Variants in GFM2 observed in about 807,000 individuals in gnomAD.
GFM2 encodes the protein ribosome-releasing factor 2, mitochondrial.
GFM2 carries 72 observed loss-of-function variants against 95.4 expected under a neutral mutation model. That is an observed-to-expected ratio of 0.76 (90% CI 0.62 to 0.92). The LOEUF is 0.92. Ranked by LOEUF, GFM2 falls within the 40% of genes least tolerant of loss-of-function variation. The pLI, the probability that GFM2 is intolerant of heterozygous loss-of-function variation, is 0.00. For missense variants in GFM2, 825 were observed against 924.1 expected (o/e 0.89, Z 1.39); for synonymous variants, 276 against 317.5 (o/e 0.87, Z 1.39).
At chr5:74,746,954 TA>T (rs1251958266) in intron 8 of GFM2, among the ~76,000 whole-genome samples, 1 of 152,204 alleles carries the variant, frequency 6.6e-6, no homozygotes, top group African/African-American at 2.4e-5. Flanking sequence ...GCATATTAAT[TA>T]CTGTGTAGTT....
intron 17 of GFM2, 23 bp from the exon 18 acceptor site, chr5:74,726,149 A>G (rs376628780): frequency 3.2e-6 from 5 of 1,552,940 alleles, no homozygotes; most frequent in Non-Finnish European, 4.4e-6. Context: ...TGAATATGGC[A>G]CCTCAGAGAT....
In GFM2 at chr5:74,741,523, AT is replaced by A; in HGVS notation, c.930+5del. The A allele has an allele frequency of 7.1e-7, 1 of 1,416,622 alleles. No individual in the cohort carries two copies. Among genetic ancestry groups the A allele is most frequent in the Non-Finnish European group, 9.9e-7 (1 of 1,014,024 alleles). 87.8% of individuals were successfully genotyped at this position (1,416,622 alleles called of 1,614,324 possible). On this transcript the variant is annotated splice_donor_5th_base_variant and intron_variant, in intron 11 of 20. Transcript: ENST00000296805. The stretch of plus-strand genomic sequence containing the variant: ...TTTGTGAAAGCCATTGAATAATAAA[AT>A]TTACCTTTTCAGCTGGTAACAAATC...
At position 74,722,339 on chromosome 5, in the gene GFM2, A is replaced by G. The variant is rs1749937004; in HGVS notation, c.2211+40T>C. 3.3e-6 allele frequency: 5 copies of G among 1,509,576 alleles called. No homozygotes were observed. In the East Asian group the frequency reaches 1.1e-4, roughly 34 times the overall value. 93.5% of individuals were successfully genotyped at this position (1,509,576 alleles called of 1,614,324 possible). A position where few individuals can be genotyped will look rare whatever the true frequency, so the allele number is the denominator to read the frequency against. ...TTCATTGGCATATAATATCCCCTGAATTAAGAAGAATATGTACTTTTCAGT... is the reference window on the plus strand; with the variant it reads ...TTCATTGGCATATAATATCCCCTGAGTTAAGAAGAATATGTACTTTTCAGT... On this transcript the variant is annotated intron_variant, in intron 20 of 20. Transcript: ENST00000296805.
rs773484707 is a variant in GFM2, at chr5:74,734,635, C to T, written c.1511-1537G>A. 5.3e-5 allele frequency among the ~76,000 whole-genome samples: 8 copies of T among 152,150 alleles called. No individual in the cohort carries two copies. The South Asian group carries it at 1.0e-3, about 20-fold the overall frequency. ...TACAGATACTCAAACAGAGTACATG[C>T]GTATGACACTAAGTGACTTTTGGAA... On this transcript the variant is annotated intron_variant, in intron 15 of 20. Transcript: ENST00000296805.
chr5:74,734,758 T>C (rs539599502), intron 15 of GFM2, among the ~76,000 whole-genome samples: 145 of 152,246 alleles, frequency 9.5e-4, no homozygotes, highest in African/African-American at 3.3e-3. Context: ...ATGGGGTAAG[T>C]ACAATAAAAG....
At chr5:74,722,620 A>C (rs2112198386) in intron 19 of GFM2, 59 bp from the exon 20 acceptor site, 2 of 1,364,474 alleles carry the variant, frequency 1.5e-6, no homozygotes, top group East Asian at 4.8e-5. Flanking sequence ...AAATAAATAC[A>C]GCCTAGAGCT....
chr5:74,752,609 G>T (rs905372866), intron 5 of GFM2, among the ~76,000 whole-genome samples: 1 of 152,164 alleles, frequency 6.6e-6, no homozygotes, highest in Non-Finnish European at 1.5e-5. Context: ...AAATGAGACA[G>T]TAAGTTTTAA....
chr5:74,736,490 T>C (rs1478212052), intron 15 of GFM2: 1 of 985,306 alleles, frequency 1.0e-6, no homozygotes, highest in Non-Finnish European at 1.2e-6. Context: ...AATCAGTTAC[T>C]GTCTAATCTA....
chr5:74,733,184 A>C, intron 15 of GFM2, 86 bp from the exon 16 acceptor site: 1 of 1,007,414 alleles, frequency 9.9e-7, no homozygotes, highest in South Asian at 1.4e-5. Flanking sequence ...ATGGATAAGC[A>C]AACAAATTTT....
intron 19 of GFM2, among the ~76,000 whole-genome samples, chr5:74,722,835 T>G (rs1434898547): frequency 6.6e-6 from 1 of 152,164 alleles, no homozygotes; most frequent in Non-Finnish European, 1.5e-5. Context: ...TTTCAAAGAT[T>G]CATTTGTTCA....
intron 19 of GFM2, among the ~76,000 whole-genome samples, chr5:74,723,402 C>T (rs1750007523): frequency 6.6e-6 from 1 of 152,162 alleles, no homozygotes; most frequent in Non-Finnish European, 1.5e-5. Context: ...CACTTCTATG[C>T]ACATCCCTTT....
chr5:74,757,921 G>C (rs1268246791), intron 5 of GFM2, among the ~76,000 whole-genome samples: 1 of 152,004 alleles, frequency 6.6e-6, no homozygotes, highest in African/African-American at 2.4e-5. Flanking sequence ...TAGAAGGATG[G>C]TTGCAAGGGA....
intron 5 of GFM2, among the ~76,000 whole-genome samples, chr5:74,753,399 A>G (rs1445188584): frequency 6.6e-6 from 1 of 152,166 alleles, no homozygotes; most frequent in Non-Finnish European, 1.5e-5. Context: ...GGAGTTCAAG[A>G]CCAGCATGGC....
chr5:74,723,525 C>T (rs1350935591), intron 19 of GFM2, among the ~76,000 whole-genome samples: 1 of 152,130 alleles, frequency 6.6e-6, no homozygotes, highest in East Asian at 1.9e-4. Flanking sequence ...CTAGGTCAAA[C>T]TTAGTCCATT....
rs992533083 is a variant in GFM2 at position 74,747,838 on chromosome 5, C to A, written c.520-58G>T. 3.0e-5 allele frequency: 29 copies of A among 957,256 alleles called. No homozygotes were observed. The African/African-American group carries it at 3.6e-4, about 12-fold the overall frequency. The allele number at this position is 957,256 out of a possible 1,614,324, so 59.3% of individuals were successfully genotyped here. Reference sequence around the variant, plus strand: ...GAACAAAAGTAACTATGTTACTAGACCTGGAATGAAGAGATCCAAAAATCT... The same window carrying A: ...GAACAAAAGTAACTATGTTACTAGAACTGGAATGAAGAGATCCAAAAATCT... On this transcript the variant is annotated intron_variant, in intron 7 of 20. Coordinates refer to ENST00000296805, the MANE Select transcript of GFM2 (RefSeq NM_032380.5).
intron 15 of GFM2, among the ~76,000 whole-genome samples, chr5:74,735,094 C>T (rs1215684013): frequency 6.6e-6 from 1 of 152,228 alleles, no homozygotes; most frequent in East Asian, 1.9e-4. Context: ...ACTCCTGATA[C>T]AACCAGCTTG....
intron 15 of GFM2, chr5:74,736,553 A>C (rs1332281694): frequency 2.2e-5 from 29 of 1,342,792 alleles, no homozygotes; most frequent in Non-Finnish European, 2.8e-5. Flanking sequence ...CATAGATAGC[A>C]CTACAAGAGT....
intron 1 of GFM2, among the ~76,000 whole-genome samples, 167 bp downstream of exon 1, chr5:74,766,771 T>G (rs1744646418): frequency 6.6e-6 from 1 of 152,342 alleles, no homozygotes; most frequent in East Asian, 1.9e-4. Context: ...CTTCGCCGAA[T>G]GATAGAGAAA....
chr5:74,725,685 G>C lies in GFM2; in HGVS notation c.1983C>G (p.Thr661=). The C allele has an allele frequency of 6.2e-7, 1 of 1,613,822 alleles. No individual in the cohort carries two copies. The highest frequency in any genetic ancestry group is 8.5e-7 in the Non-Finnish European group (1 of 1,179,792). Residue 661 remains threonine, a synonymous_variant, in exon 19 of 21, where the codon ACC becomes ACG. Coordinates refer to ENST00000296805, the MANE Select transcript of GFM2 (RefSeq NM_032380.5). ...CACAGGCAGAAATCATAGTTGTGGAGGTGCCAGGATGAATTGTCAGGGAAT... is the reference window on the plus strand; with the variant it reads ...CACAGGCAGAAATCATAGTTGTGGACGTGCCAGGATGAATTGTCAGGGAAT... ...TLHSLTIHPG[T]STTMISACVS...
Sources: gnomAD v4.1 joint callset for allele counts (sites outside exome capture counted in the v4.1 genomes callset) on GRCh38, gnomAD v4.1.1 for gene constraint, MANE v1.5 for transcripts, NCBI Gene and HGNC (gene_info 2026-07-23, HGNC 2026-07-21) for gene names.